Variants in MGA observed in about 807,000 individuals in gnomAD.
The protein encoded by MGA is MAX dimerization protein MGA.
In MGA, 40 loss-of-function variants were observed where a neutral mutation model predicts 261.1. That is an observed-to-expected ratio of 0.15 (90% CI 0.12 to 0.20). The LOEUF (loss-of-function observed/expected upper bound fraction) is 0.20. Among genes scored for constraint, MGA ranks in the 10% least tolerant of loss-of-function variants. The pLI is 1.00. For synonymous variants in MGA, 1,302 were observed against 1,290.6 expected (o/e 1.01, Z -0.19); for missense variants, 3,397 against 3,630.5 (o/e 0.94, Z 1.65).
chr15:41,685,827 C>G (rs945945107), intron 2 of MGA, among the ~76,000 whole-genome samples: 2 of 151,626 alleles, frequency 1.3e-5, no homozygotes, highest in African/African-American at 4.8e-5. Flanking sequence ...ACGGTGAAAC[C>G]CCGTCTCTAC....
chr15:41,729,817 A>G (rs907890049), intron 11 of MGA, among the ~76,000 whole-genome samples: 1 of 152,134 alleles, frequency 6.6e-6, no homozygotes, highest in African/African-American at 2.4e-5. Flanking sequence ...CCTGGGTGAC[A>G]GAGTGAGACT....
intron 9 of MGA, among the ~76,000 whole-genome samples, chr15:41,720,547 T>C (rs1442691718): frequency 6.6e-6 from 1 of 151,852 alleles, no homozygotes; most frequent in South Asian, 2.1e-4. Flanking sequence ...AAATAAAAAC[T>C]AAGGCCAGAC....
Position 41,670,606 on chromosome 15 carries a change from C to T in MGA, c.1064+648C>T, listed in dbSNP as rs371199570. Among the ~76,000 whole-genome samples, 142 of 152,170 alleles carry T rather than the reference C, an allele frequency of 9.3e-4. 1 individual carries two copies. Among genetic ancestry groups the T allele is most frequent in the African/African-American group, 3.3e-3 (136 of 41,512 alleles). On this transcript the variant is annotated intron_variant, in intron 2 of 23. Transcript: ENST00000219905. ...CTGCAAGCTCCGCCTCCTGGGTTCA[C>T]GCCATTCTCCTGCCTCAGCCTCCCA...
chr15:41,743,683 G>T (rs2062248881), intron 15 of MGA, among the ~76,000 whole-genome samples: 1 of 152,148 alleles, frequency 6.6e-6, no homozygotes, highest in Non-Finnish European at 1.5e-5. Flanking sequence ...GGTGTGGGGG[G>T]TGCTGCTTTT....
In MGA at chr15:41,709,969, A is replaced by C. The variant is rs567884107; in HGVS notation, c.2426-722A>C. Among the ~76,000 whole-genome samples, 3 of 151,916 alleles carry C rather than the reference A, an allele frequency of 2.0e-5. No homozygotes were observed. In the South Asian group the frequency reaches 6.3e-4, roughly 32 times the overall value. On this transcript the variant is annotated intron_variant, in intron 7 of 23. Transcript: ENST00000219905. ...CCTGAGTATCTGGGGATTGCATTGC[A>C]GGCATGTGCCACCATGCTCAGCTAA...
chr15:41,763,184 C>T (rs1718599228), intron 22 of MGA, among the ~76,000 whole-genome samples: 1 of 147,162 alleles, frequency 6.8e-6, no homozygotes, highest in Admixed American at 6.9e-5. Flanking sequence ...ACTGCAAGCT[C>T]CACCTCCTGG....
intron 5 of MGA, among the ~76,000 whole-genome samples, chr15:41,706,649 C>T (rs1477006107): frequency 4.8e-5 from 7 of 146,386 alleles, no homozygotes; most frequent in African/African-American, 1.8e-4. Context: ...GGCATCATCT[C>T]GGCTCCTTGC....
chr15:41,634,650 A>G (rs896984005), intron 1 of MGA, among the ~76,000 whole-genome samples: 1 of 152,062 alleles, frequency 6.6e-6, no homozygotes, highest in African/African-American at 2.4e-5. Context: ...GGTGATTTAG[A>G]GGAGTTGCTG....
chr15:41,689,756 G>A (rs182182351), intron 2 of MGA, among the ~76,000 whole-genome samples: 26 of 151,932 alleles, frequency 1.7e-4, no homozygotes, highest in African/African-American at 6.0e-4. Flanking sequence ...AGTAGAGACA[G>A]GGTTTTGCCA....
chr15:41,642,867 C>T (rs2056851803), intron 1 of MGA, among the ~76,000 whole-genome samples: 2 of 151,828 alleles, frequency 1.3e-5, no homozygotes, highest in African/African-American at 4.8e-5. Flanking sequence ...GCCTCAGCCT[C>T]CCAAAGTGCT....
intron 2 of MGA, 70 bp from the exon 3 acceptor site, chr15:41,696,005 T>G (rs973614706): frequency 1.7e-6 from 2 of 1,160,010 alleles, no homozygotes; most frequent in Admixed American, 4.8e-5. Flanking sequence ...TCTTTTTTTT[T>G]TTTTCTCTTC....
intron 3 of MGA, among the ~76,000 whole-genome samples, chr15:41,697,417 T>G (rs1455748662): frequency 7.4e-6 from 1 of 134,864 alleles, no homozygotes; most frequent in Non-Finnish European, 1.6e-5. Flanking sequence ...ATTTTTCTTT[T>G]CTTTTTTTTT....
intron 3 of MGA, among the ~76,000 whole-genome samples, chr15:41,697,418 CTTT>C (rs1204938099): frequency 5.3e-5 from 7 of 132,822 alleles, no homozygotes; most frequent in Admixed American, 7.7e-5. Flanking sequence ...TTTTTCTTTT[CTTT>C]TTTTTTTTTT....
chr15:41,694,613 G>A (rs988956276), intron 2 of MGA, among the ~76,000 whole-genome samples: 7 of 150,646 alleles, frequency 4.6e-5, no homozygotes, highest in Non-Finnish European at 1.0e-4. Context: ...TGCAAGCTCC[G>A]CCTCCCAGGT....
In MGA at chr15:41,766,122, A is replaced by G. The variant is rs138247698; in HGVS notation, c.8040A>G (p.Pro2680=). 7.1e-5 allele frequency: 115 copies of G among 1,614,048 alleles called. No homozygotes were observed. The African/African-American group carries it at 1.4e-3, about 20-fold the overall frequency. ...CTCATGAAGTTCCTGATAGCAAGCCATCTGACCATCTGAAAGACACCGTCA... is the reference window on the plus strand; with the variant it reads ...CTCATGAAGTTCCTGATAGCAAGCCGTCTGACCATCTGAAAGACACCGTCA... The change falls in exon 24 of 24, where the codon CCA becomes CCG. Residue 2680 remains proline, a synonymous_variant. Coordinates refer to ENST00000219905, the MANE Select transcript of MGA (RefSeq NM_001164273.2).
chr15:41,758,032 TCTC>T (rs1229639973), intron 19 of MGA, among the ~76,000 whole-genome samples, 193 bp downstream of exon 19: 3 of 152,204 alleles, frequency 2.0e-5, no homozygotes, highest in African/African-American at 4.8e-5. Context: ...TTTTAATTCT[TCTC>T]CTCAGAGGAT....
At chr15:41,674,234 T>C (rs1412487542) in intron 2 of MGA, among the ~76,000 whole-genome samples, 2 of 152,084 alleles carry the variant, frequency 1.3e-5, no homozygotes, top group Non-Finnish European at 2.9e-5. Context: ...TCTGGCTCTA[T>C]TGCCTCAGCT....
intron 22 of MGA, among the ~76,000 whole-genome samples, 187 bp downstream of exon 22, chr15:41,762,549 A>G (rs968654697): frequency 1.7e-5 from 2 of 118,736 alleles, no homozygotes; most frequent in Non-Finnish European, 3.3e-5. Context: ...GCTCATTGCA[A>G]CCTCCACCTC....
chr15:41,768,277 A>C lies in MGA; in HGVS notation c.*997A>C, dbSNP rs1033957845. On this transcript the variant is annotated 3_prime_UTR_variant, in exon 24 of 24. Coordinates refer to ENST00000219905, the MANE Select transcript of MGA (RefSeq NM_001164273.2). The stretch of plus-strand genomic sequence containing the variant: ...CTCTTTACCAGGGAAATAAGGCAGT[A>C]TTTGAATCACAAGATATATTTTTTA... 1 of 152,668 alleles carries C rather than the reference A, an allele frequency of 6.6e-6. No individual in the cohort carries two copies. The highest frequency in any genetic ancestry group is 2.4e-5 in the African/African-American group (1 of 41,454). The allele number at this position is 152,668 out of a possible 1,614,324, so 9.5% of individuals were successfully genotyped here. A position where few individuals can be genotyped will look rare whatever the true frequency, so the allele number is the denominator to read the frequency against.
Sources: allele counts gnomAD v4.1 joint callset (sites outside exome capture counted in the v4.1 genomes callset), GRCh38; gene constraint gnomAD v4.1.1; transcripts MANE v1.5; gene names NCBI Gene and HGNC (gene_info 2026-07-23, HGNC 2026-07-21).